The following PCDHA9 variants were observed in gnomAD, a reference collection of about 807,000 sequenced individuals.
PCDHA9 encodes the protein protocadherin alpha-9.
In PCDHA9, 62 loss-of-function variants were observed where a neutral mutation model predicts 62.0. The observed-to-expected ratio is 1.00, with a 90% CI of 0.81 to 1.23. The LOEUF (loss-of-function observed/expected upper bound fraction) is 1.23, where lower values mean the gene tolerates loss of function less well. Among genes scored for constraint, PCDHA9 ranks in the 50% most tolerant of loss-of-function variants. The pLI is 0.00. For missense variants in PCDHA9, 1,205 were observed against 1,249.8 expected (o/e 0.96, Z 0.54); for synonymous variants, 557 against 567.6 (o/e 0.98, Z 0.27).
chr5:140,934,235 A>G (rs1202721010), intron 1 of PCDHA9, among the ~76,000 whole-genome samples: 1 of 152,048 alleles, frequency 6.6e-6, no homozygotes, highest in Non-Finnish European at 1.5e-5. Flanking sequence ...TTTGTACTTA[A>G]TTGTGGAGAT....
intron 1 of PCDHA9, chr5:140,968,207 A>C: frequency 6.2e-7 from 1 of 1,614,000 alleles, no homozygotes; most frequent in Non-Finnish European, 8.5e-7. Context: ...CATACAGGAG[A>C]ACAATTTGCC....
chr5:140,951,145 T>G (rs2094553191), intron 1 of PCDHA9, among the ~76,000 whole-genome samples: 1 of 100,698 alleles, frequency 9.9e-6, no homozygotes, highest in South Asian at 2.6e-4. Flanking sequence ...TTTATCTTAT[T>G]GAATATAGTT....
intron 3 of PCDHA9, among the ~76,000 whole-genome samples, chr5:140,995,268 C>G (rs2097673323): frequency 6.6e-6 from 1 of 152,110 alleles, no homozygotes; most frequent in Non-Finnish European, 1.5e-5. Flanking sequence ...AATACAAGCC[C>G]TTTGATACCA....
intron 1 of PCDHA9, among the ~76,000 whole-genome samples, chr5:140,969,910 A>G (rs1364534841): frequency 9.9e-5 from 15 of 152,216 alleles, no homozygotes; most frequent in African/African-American, 3.6e-4. Context: ...GTCACAAGTG[A>G]TAAAGCTGTA....
intron 1 of PCDHA9, among the ~76,000 whole-genome samples, chr5:140,942,544 G>T (rs546340510): frequency 1.6e-4 from 24 of 152,000 alleles, no homozygotes; most frequent in Non-Finnish European, 2.9e-4. Context: ...TATGGTGGGG[G>T]GTAGGGGGTT....
At chr5:140,904,154 C>T (rs1163595423) in intron 1 of PCDHA9, among the ~76,000 whole-genome samples, 1 of 152,060 alleles carries the variant, frequency 6.6e-6, no homozygotes, top group Non-Finnish European at 1.5e-5. Flanking sequence ...ACATTGCACC[C>T]AGTTTGTAGT....
At chr5:140,924,894 CAAAAAA>C (rs782133089) in intron 1 of PCDHA9, among the ~76,000 whole-genome samples, 79 of 71,496 alleles carry the variant, frequency 1.1e-3, no homozygotes, top group African/African-American at 2.7e-3. Flanking sequence ...GAACCTGTCT[CAAAAAA>C]AAAAATAAAA....
At chr5:140,949,544 T>A (rs981428881) in intron 1 of PCDHA9, among the ~76,000 whole-genome samples, 1 of 151,908 alleles carries the variant, frequency 6.6e-6, no homozygotes, top group Non-Finnish European at 1.5e-5. Flanking sequence ...TATCGATTTG[T>A]TGCTGGTCAT....
intron 3 of PCDHA9, among the ~76,000 whole-genome samples, chr5:141,005,544 A>G (rs1197838847): frequency 6.6e-6 from 1 of 151,492 alleles, no homozygotes; most frequent in Non-Finnish European, 1.5e-5. Flanking sequence ...TCTACTAAAA[A>G]TACAAAAATT....
chr5:140,932,222 A>T (rs2088129167), intron 1 of PCDHA9, among the ~76,000 whole-genome samples: 1 of 151,870 alleles, frequency 6.6e-6, no homozygotes, highest in African/African-American at 2.4e-5. Flanking sequence ...GGCAATTTAA[A>T]TTTTTTAGAA....
At chr5:140,921,967 G>GA (rs2080533534) in intron 1 of PCDHA9, among the ~76,000 whole-genome samples, 1 of 151,284 alleles carries the variant, frequency 6.6e-6, no homozygotes, top group Non-Finnish European at 1.5e-5. Context: ...AAAACCAAAG[G>GA]AAAAAATAGA....
At chr5:140,928,711 A>C in intron 1 of PCDHA9, 1 of 1,614,098 alleles carries the variant, frequency 6.2e-7, no homozygotes, top group South Asian at 1.1e-5. Flanking sequence ...GTCTGACTCT[A>C]GTCTCTTTAG....
At chr5:140,971,689 T>C (rs149234216) in intron 1 of PCDHA9, among the ~76,000 whole-genome samples, 1 of 152,306 alleles carries the variant, frequency 6.6e-6, no homozygotes, top group East Asian at 1.9e-4. Context: ...GAATTTGTAC[T>C]CACTAACCAC....
At chr5:140,897,353 T>C (rs1363658526) in intron 1 of PCDHA9, among the ~76,000 whole-genome samples, 3 of 116,194 alleles carry the variant, frequency 2.6e-5, no homozygotes, top group Non-Finnish European at 4.9e-5. Flanking sequence ...CCCACAACTG[T>C]CCCCAGAGTG....
chr5:140,999,764 T>G (rs1587850651), intron 3 of PCDHA9, among the ~76,000 whole-genome samples: 1 of 152,284 alleles, frequency 6.6e-6, no homozygotes, highest in East Asian at 1.9e-4. Flanking sequence ...CATGATGTCT[T>G]TATACTCTTA....
At chr5:140,996,755 C>T (rs1335663800) in intron 3 of PCDHA9, among the ~76,000 whole-genome samples, 2 of 152,142 alleles carry the variant, frequency 1.3e-5, no homozygotes, top group Non-Finnish European at 2.9e-5. Context: ...TATATCTGTG[C>T]AGGACTAAAA....
chr5:140,948,281 T>C (rs1375756050), intron 1 of PCDHA9, among the ~76,000 whole-genome samples: 1 of 151,620 alleles, frequency 6.6e-6, no homozygotes, highest in Non-Finnish European at 1.5e-5. Context: ...TATCTGTAAA[T>C]AATTTTGTAA....
intron 1 of PCDHA9, chr5:140,862,600 TTCG>T (rs1554156642): frequency 1.9e-6 from 1 of 513,664 alleles, no homozygotes; most frequent in East Asian, 5.2e-5. Context: ...GTACATGGTG[TTCG>T]TGAAAGGTAA....
At chr5:140,958,397 A>T (rs1306610051) in intron 1 of PCDHA9, among the ~76,000 whole-genome samples, 3 of 152,172 alleles carry the variant, frequency 2.0e-5, no homozygotes, top group African/African-American at 7.2e-5. Flanking sequence ...GTCATCAAAC[A>T]TTATCACTGA....
Sources: allele counts gnomAD v4.1 joint callset (sites outside exome capture counted in the v4.1 genomes callset), GRCh38; gene constraint gnomAD v4.1.1; transcripts MANE v1.5; gene names NCBI Gene and HGNC (gene_info 2026-07-23, HGNC 2026-07-21).